Variants in MZT2B observed in about 807,000 individuals in gnomAD.
MZT2B encodes the protein mitotic spindle organizing protein 2B.
Under a neutral mutation model 12.1 loss-of-function variants are expected in MZT2B, and 11 were observed. The ratio of observed to expected loss-of-function variants is 0.91; its 90% confidence interval spans 0.57 to 1.50. MZT2B has a LOEUF of 1.50. MZT2B is among the 40% of genes most tolerant of loss of function. MZT2B has a pLI of 0.00. For synonymous variants in MZT2B, 85 were observed against 109.5 expected, an observed-to-expected ratio of 0.78 and a Z score of 1.40; for missense variants, 209 against 227.7, an observed-to-expected ratio of 0.92 and a Z score of 0.53.
chr2:130,198,977 G>A, the MZT2B span, among the ~76,000 whole-genome samples: 2 of 124,324 alleles, frequency 1.6e-5, 1 homozygote, highest in East Asian at 5.2e-4. Context: ...TCGGGAGGCC[G>A]AGGCGGGTGG....
At chr2:130,194,115 G>T, downstream of MZT2B, 1 of 1,614,184 alleles carries the variant, frequency 6.2e-7, no homozygotes, top group Non-Finnish European at 8.5e-7. Context: ...CCATCAAATC[G>T]CAGGGAGGCC....
At chr2:130,189,244 G>A (rs1456772927) in intron 2 of MZT2B, among the ~76,000 whole-genome samples, 6 of 152,272 alleles carry the variant, frequency 3.9e-5, no homozygotes, top group Admixed American at 2.0e-4. Context: ...GGGGTGGGGT[G>A]TGGAGTTTCT....
At chr2:130,191,546 C>G (rs1690258720), downstream of MZT2B, among the ~76,000 whole-genome samples, 4 of 152,168 alleles carry the variant, frequency 2.6e-5, no homozygotes, top group African/African-American at 7.2e-5. Flanking sequence ...TTTAGGAAAT[C>G]TATACATTGA....
chr2:130,203,048 CTTTTTTTTTTTTTT>C, the MZT2B span, among the ~76,000 whole-genome samples: 2,297 of 117,450 alleles, frequency 0.02, no homozygotes, highest in African/African-American at 0.067. Flanking sequence ...TTTCTTTTTT[CTTTTTTTTTTTTTT>C]TTTTTGAGAC....
At chr2:130,201,246 C>T in the MZT2B span, among the ~76,000 whole-genome samples, 1 of 152,230 alleles carries the variant, frequency 6.6e-6, no homozygotes, top group East Asian at 1.9e-4. Flanking sequence ...GAGGAGGCCA[C>T]TGGCCCCTTC....
intron 2 of MZT2B, 125 bp downstream of exon 2, chr2:130,182,900 C>T: frequency 7.2e-7 from 1 of 1,383,744 alleles, no homozygotes; most frequent in South Asian, 1.4e-5. Context: ...GGCCCAGCAC[C>T]TGCAGGGCCC....
At chr2:130,193,952 T>C, downstream of MZT2B, 1 of 1,614,218 alleles carries the variant, frequency 6.2e-7, no homozygotes, top group Non-Finnish European at 8.5e-7. Context: ...ATTGGCTGGC[T>C]CGAAGCAGGC....
chr2:130,192,038 C>G, downstream of MZT2B: 1 of 1,614,138 alleles, frequency 6.2e-7, no homozygotes, highest in African/African-American at 1.3e-5. Context: ...CCGCAATGGC[C>G]GTGGTGTTGC....
intron 2 of MZT2B, among the ~76,000 whole-genome samples, chr2:130,189,629 C>T (rs1045140822): frequency 6.6e-6 from 1 of 152,206 alleles, no homozygotes; most frequent in Admixed American, 6.5e-5. Flanking sequence ...TACCCGGGCA[C>T]GTTTGTACCT....
chr2:130,194,629 C>G (rs544387697), downstream of MZT2B, among the ~76,000 whole-genome samples: 2 of 152,188 alleles, frequency 1.3e-5, no homozygotes, highest in African/African-American at 4.8e-5. Flanking sequence ...CAAAGATCTA[C>G]GGACAAATCA....
downstream of MZT2B, chr2:130,193,736 T>C (rs750135184): frequency 2.4e-5 from 37 of 1,562,682 alleles, no homozygotes; most frequent in Non-Finnish European, 3.0e-5. Flanking sequence ...GCCAGTGTTA[T>C]TTTGTGCATC....
chr2:130,200,187 C>A, the MZT2B span, among the ~76,000 whole-genome samples: 1 of 151,946 alleles, frequency 6.6e-6, no homozygotes, highest in Non-Finnish European at 1.5e-5. Context: ...GTCAGGAGAT[C>A]GAGACCATCC....
downstream of MZT2B, chr2:130,194,560 T>C: frequency 7.9e-7 from 1 of 1,272,308 alleles, no homozygotes; most frequent in Non-Finnish European, 1.1e-6. Context: ...CTCTAAAGAG[T>C]TGATATGGAT....
chr2:130,204,119 T>C, the MZT2B span: 17 of 1,284,682 alleles, frequency 1.3e-5, no homozygotes, highest in Non-Finnish European at 1.6e-5. Flanking sequence ...ATGTCCAGCC[T>C]TCCAGACCTT....
At chr2:130,195,512 A>G (rs1471507653), downstream of MZT2B, among the ~76,000 whole-genome samples, 2 of 152,246 alleles carry the variant, frequency 1.3e-5, no homozygotes, top group South Asian at 2.1e-4. Flanking sequence ...ACTCAGGTAC[A>G]TAATTCTTTC....
At chr2:130,186,669 A>T (rs116572692) in intron 2 of MZT2B, among the ~76,000 whole-genome samples, 2,006 of 152,314 alleles carry the variant, frequency 0.013, 24 homozygotes, top group Middle Eastern at 0.041. Context: ...ACACCTTGGG[A>T]GTCCACAGCT....
At chr2:130,204,360 G>A in the MZT2B span, 2 of 378,394 alleles carry the variant, frequency 5.3e-6, no homozygotes, top group South Asian at 2.1e-5. Context: ...CTGACATGAT[G>A]TGGCAGGAGA....
downstream of MZT2B, among the ~76,000 whole-genome samples, chr2:130,190,977 T>A (rs1039618262): frequency 1.3e-5 from 2 of 151,864 alleles, no homozygotes; most frequent in African/African-American, 4.8e-5. Context: ...TGAAATGGAG[T>A]CTTGCTCTGT....
chr2:130,181,695 A>AGGCC, upstream of MZT2B: 1 of 1,549,280 alleles, frequency 6.5e-7, no homozygotes, highest in Non-Finnish European at 8.7e-7. Flanking sequence ...CGCAAAGCGA[A>AGGCC]GGCCGGCCGG....
Sources: gnomAD v4.1 joint callset for allele counts (sites outside exome capture counted in the v4.1 genomes callset) on GRCh38, gnomAD v4.1.1 for gene constraint, MANE v1.5 for transcripts, NCBI Gene and HGNC (gene_info 2026-07-23, HGNC 2026-07-21) for gene names.